NUDCD3: variants seen among roughly 807,000 people sequenced by gnomAD.
The protein encoded by NUDCD3 is NudC domain containing 3, also known as nudC domain-containing protein 3.
Under a neutral mutation model 39.7 loss-of-function variants are expected in NUDCD3, and 13 were observed. The ratio of observed to expected loss-of-function variants is 0.33; its 90% CI spans 0.21 to 0.52. NUDCD3 has a LOEUF of 0.52. NUDCD3 is among the 20% of genes least tolerant of loss of function. The pLI is 0.96. For synonymous variants in NUDCD3, 175 were observed against 172.4 expected, an observed-to-expected ratio of 1.02 and a Z score of -0.12; for missense variants, 453 against 458.1, an observed-to-expected ratio of 0.99 and a Z score of 0.10.
At chr7:44,471,600 TTGTAAACACATAGGAGTG>T (rs1410795681) in intron 2 of NUDCD3, among the ~76,000 whole-genome samples, 4 of 152,216 alleles carry the variant, frequency 2.6e-5, no homozygotes, top group East Asian at 1.9e-4. Context: ...TAGAGGTTTT[TTGTAAACACATAGGAGTG>T]TGTAAACACA....
chr7:44,427,879 G>A (rs1799268900), intron 2 of NUDCD3, among the ~76,000 whole-genome samples, 176 bp from the exon 3 acceptor site: 1 of 151,904 alleles, frequency 6.6e-6, no homozygotes, highest in South Asian at 2.1e-4. Flanking sequence ...TTTCCTTTCT[G>A]ACCCTCCTAC....
In NUDCD3 at chr7:44,397,606, T is replaced by G. The variant is rs546459008; in HGVS notation, c.787-5121A>C. Among the ~76,000 whole-genome samples, 3 of 152,310 alleles carry G rather than the reference T, an allele frequency of 2.0e-5. No homozygotes were observed. The East Asian group carries it at 5.8e-4, about 29-fold the overall frequency. On this transcript the variant is annotated intron_variant, in intron 4 of 5. Coordinates refer to ENST00000355451, the MANE Select transcript of NUDCD3 (RefSeq NM_015332.4). ...TGTGCTTATTAGCCTTCTCATTTTTTTTAACATTTTATTTGTAAAGAATTT... is the reference window on the plus strand; with the variant it reads ...TGTGCTTATTAGCCTTCTCATTTTTGTTAACATTTTATTTGTAAAGAATTT...
intron 2 of NUDCD3, among the ~76,000 whole-genome samples, chr7:44,448,782 G>T (rs1799733409): frequency 6.6e-6 from 1 of 152,066 alleles, no homozygotes. Context: ...TACAGAAAGA[G>T]AGAGAGAGAA....
In NUDCD3 at chr7:44,477,480, C is replaced by T. The variant is rs1800396244; in HGVS notation, c.509+7488G>A. On this transcript the variant is annotated intron_variant, in intron 2 of 5. Transcript: ENST00000355451. The stretch of plus-strand genomic sequence containing the variant: ...CTTTCAGAGATTTTTGTCAGCATCC[C>T]AGCACAAGCAAAGGCAAAGTCACCA... Among the ~76,000 whole-genome samples, 5 of 152,300 alleles carry T rather than the reference C, an allele frequency of 3.3e-5. No individual in the cohort carries two copies. In the South Asian group the frequency reaches 1.0e-3, roughly 32 times the overall value.
intron 3 of NUDCD3, among the ~76,000 whole-genome samples, chr7:44,411,588 C>T (rs1266196040): frequency 6.6e-6 from 1 of 152,120 alleles, no homozygotes; most frequent in Non-Finnish European, 1.5e-5. Flanking sequence ...TACTTCATAC[C>T]CAGTAGGATA....
rs1319906075 is a variant in NUDCD3 at position 44,468,473 on chromosome 7, C to A, written c.509+16495G>T. 3.3e-5 allele frequency among the ~76,000 whole-genome samples: 5 copies of A among 151,944 alleles called. No individual in the cohort carries two copies. In the East Asian group the frequency reaches 9.6e-4, roughly 29 times the overall value. On this transcript the variant is annotated intron_variant, in intron 2 of 5. Coordinates refer to ENST00000355451, the MANE Select transcript of NUDCD3 (RefSeq NM_015332.4). ...CAACTGAATGCCCGGTCTCTAGACTCCAAGATTCATACTCTTATTCCATAA... is the reference window on the plus strand; with the variant it reads ...CAACTGAATGCCCGGTCTCTAGACTACAAGATTCATACTCTTATTCCATAA...
chr7:44,459,155 T>C (rs1799958716), intron 2 of NUDCD3, among the ~76,000 whole-genome samples: 2 of 152,102 alleles, frequency 1.3e-5, no homozygotes, highest in Admixed American at 6.5e-5. Context: ...TATTCCTAAG[T>C]ATTTTTTTAT....
intron 5 of NUDCD3, among the ~76,000 whole-genome samples, chr7:44,386,910 A>G (rs193219624): frequency 8.6e-4 from 131 of 152,272 alleles, no homozygotes; most frequent in African/African-American, 2.9e-3. Context: ...AAGGGACTCT[A>G]TATCTGCCCT....
intron 2 of NUDCD3, among the ~76,000 whole-genome samples, chr7:44,481,908 A>G (rs1427836157): frequency 6.6e-6 from 1 of 152,190 alleles, no homozygotes; most frequent in Non-Finnish European, 1.5e-5. Context: ...CCATTTGAGG[A>G]CACAGCAAGG....
intron 2 of NUDCD3, among the ~76,000 whole-genome samples, chr7:44,451,679 T>C (rs958377095): frequency 2.0e-5 from 3 of 152,124 alleles, no homozygotes; most frequent in Non-Finnish European, 2.9e-5. Flanking sequence ...CTGGGGGTGA[T>C]GACTGTTCAT....
chr7:44,412,951 A>AAAAAAAAAG (rs1554489215), intron 3 of NUDCD3, among the ~76,000 whole-genome samples: 3 of 144,508 alleles, frequency 2.1e-5, no homozygotes, highest in Middle Eastern at 3.6e-3. Flanking sequence ...AAGAAAAAAA[A>AAAAAAAAAG]AAAGAAAGAA....
intron 2 of NUDCD3, among the ~76,000 whole-genome samples, chr7:44,469,458 A>G (rs2116962564): frequency 6.6e-6 from 1 of 152,356 alleles, no homozygotes; most frequent in Admixed American, 6.5e-5. Context: ...AAAATAGAAA[A>G]TCATTTAGCA....
At chr7:44,448,957 G>A (rs570645089) in intron 2 of NUDCD3, among the ~76,000 whole-genome samples, 2 of 152,294 alleles carry the variant, frequency 1.3e-5, no homozygotes, top group East Asian at 3.9e-4. Flanking sequence ...ACTCTTCCTA[G>A]AGAAAGGAGG....
chr7:44,433,127 G>C (rs1799395129), intron 2 of NUDCD3, among the ~76,000 whole-genome samples: 3 of 152,172 alleles, frequency 2.0e-5, no homozygotes, highest in Admixed American at 6.5e-5. Context: ...AGGAAGCAGG[G>C]CCTCCCCAGA....
rs1015024403 is a variant in NUDCD3 at position 44,385,840 on chromosome 7, G to C, written c.*171C>G. The C allele has an allele frequency of 1.7e-4, 101 of 595,790 alleles. No individual in the cohort carries two copies. Among genetic ancestry groups the C allele is most frequent in the Non-Finnish European group, 2.7e-4 (91 of 332,746 alleles). 36.9% of individuals were successfully genotyped at this position (595,790 alleles called of 1,614,324 possible). On this transcript the variant is annotated 3_prime_UTR_variant, in exon 6 of 6. Transcript: ENST00000355451. Reference sequence around the variant, plus strand: ...AGCAGCTGGCCCCGCACCTTCTCTGGAACAGTCTGGAGATGCAAGGTCAGG... The same window carrying C: ...AGCAGCTGGCCCCGCACCTTCTCTGCAACAGTCTGGAGATGCAAGGTCAGG...
chr7:44,428,853 A>G (rs1346312333), intron 2 of NUDCD3, among the ~76,000 whole-genome samples: 1 of 152,242 alleles, frequency 6.6e-6, no homozygotes, highest in African/African-American at 2.4e-5. Flanking sequence ...ATGAACACAG[A>G]ACATTCCAAC....
chr7:44,487,670 A>G (rs1800641680), intron 1 of NUDCD3, among the ~76,000 whole-genome samples: 2 of 152,170 alleles, frequency 1.3e-5, no homozygotes, highest in Non-Finnish European at 2.9e-5. Context: ...AACAGGTTCC[A>G]GCCAGGTGCA....
chr7:44,460,818 AAAT>A (rs1554494170), intron 2 of NUDCD3, among the ~76,000 whole-genome samples: 2 of 152,250 alleles, frequency 1.3e-5, no homozygotes, highest in Non-Finnish European at 2.9e-5. Flanking sequence ...TAAATTTCAC[AAAT>A]ACTATAAAAC....
rs974704309 is a variant in NUDCD3, at chr7:44,484,965, C to T, written c.509+3G>A. The T allele has an allele frequency of 1.3e-6, 2 of 1,586,186 alleles. No homozygotes were observed. The highest frequency in any genetic ancestry group is 2.2e-5 in the East Asian group (1 of 44,506). ...AAGGAAGCTGCAAAGTAGAAATTCC[C>T]ACCTGGGAAGAATTGGTGGTTCCCT... On this transcript the variant is annotated splice_donor_region_variant and intron_variant, in intron 2 of 5. Coordinates refer to ENST00000355451, the MANE Select transcript of NUDCD3 (RefSeq NM_015332.4).
Sources: gnomAD v4.1 joint callset for allele counts (sites outside exome capture counted in the v4.1 genomes callset) on GRCh38, gnomAD v4.1.1 for gene constraint, MANE v1.5 for transcripts, NCBI Gene and HGNC (gene_info 2026-07-23, HGNC 2026-07-21) for gene names.